Variants in CPLANE1 observed in about 807,000 individuals in gnomAD.
The protein encoded by CPLANE1 is ciliogenesis and planar polarity effector complex subunit 1.
A neutral mutation model predicts 362.5 loss-of-function variants in CPLANE1; 263 were observed. The ratio of observed to expected loss-of-function variants is 0.73; its 90% CI spans 0.66 to 0.80. The LOEUF (loss-of-function observed/expected upper bound fraction) is 0.80. CPLANE1 is among the 30% of genes least tolerant of loss of function. The probability of loss-of-function intolerance (pLI) is 0.00; values close to 1 mark genes in which losing one functional copy is unlikely to be tolerated. For missense variants in CPLANE1, 3,461 were observed against 3,793.4 expected, an observed-to-expected ratio of 0.91 and a Z score of 2.30; for synonymous variants, 1,212 against 1,302.6, an observed-to-expected ratio of 0.93 and a Z score of 1.50.
At chr5:37,211,040 C>T in intron 16 of CPLANE1, 1 of 817,442 alleles carries the variant, frequency 1.2e-6, no homozygotes, top group Non-Finnish European at 2.2e-6. Flanking sequence ...AAGTGTACTG[C>T]AATCCAAAGC....
chr5:37,206,518 C>T, intron 16 of CPLANE1, 93 bp from the exon 17 acceptor site: 2 of 807,914 alleles, frequency 2.5e-6, no homozygotes, highest in Non-Finnish European at 3.9e-6. Context: ...TCAGTATTAT[C>T]TACAAAAAAC....
chr5:37,112,075 A>C (rs745416843), intron 51 of CPLANE1, among the ~76,000 whole-genome samples: 1 of 152,202 alleles, frequency 6.6e-6, no homozygotes, highest in Non-Finnish European at 1.5e-5. Context: ...AAAGGCTACA[A>C]ACATCAACTA....
At chr5:37,213,416 TTCATAG>T in intron 16 of CPLANE1, 137 bp downstream of exon 16, 1 of 503,110 alleles carries the variant, frequency 2.0e-6, no homozygotes, top group Admixed American at 4.4e-5. Flanking sequence ...ATTCTATTCA[TTCATAG>T]TCATAAATCA....
chr5:37,100,919 G>A, the CPLANE1 span, among the ~76,000 whole-genome samples: 41 of 152,088 alleles, frequency 2.7e-4, no homozygotes, highest in Admixed American at 1.4e-3. Context: ...CTTGTCTGTC[G>A]TTGGTGAAAA....
chr5:37,182,795 A>T lies in CPLANE1; in HGVS notation c.5386T>A (p.Phe1796Ile). The change falls in exon 26 of 53, where the codon TTT becomes ATT. Residue 1796 changes from phenylalanine (F) to isoleucine (I), a missense_variant. Around this residue, in one of 2 missense-constraint regions of CPLANE1, gnomAD observed 3,380 missense variants for 3,666.1 expected, o/e 0.92. Coordinates refer to ENST00000651892, the MANE Select transcript of CPLANE1 (RefSeq NM_001384732.1). ...TSLWLLEQPY[F>I]ATYKAKNAII... ...GCATTTTTTGCCTTATATGTAGCAA[A>T]ATAGGGTTGTTCCAAAAGCCATAAT... 1 of 1,613,418 alleles carries T rather than the reference A, an allele frequency of 6.2e-7. No homozygotes were observed.
At chr5:37,193,596 A>T (rs1285399065) in intron 21 of CPLANE1, among the ~76,000 whole-genome samples, 1 of 152,138 alleles carries the variant, frequency 6.6e-6, no homozygotes, top group Non-Finnish European at 1.5e-5. Flanking sequence ...TGGAGGTTAC[A>T]GTGAGCCGAG....
chr5:37,120,584 A>C (rs1186588109), intron 49 of CPLANE1, among the ~76,000 whole-genome samples: 1 of 152,208 alleles, frequency 6.6e-6, no homozygotes, highest in Non-Finnish European at 1.5e-5. Context: ...TGTTACTTTA[A>C]GGAAAAAACA....
At chr5:37,141,834 A>C (rs765828745) in intron 44 of CPLANE1, 42 of 946,246 alleles carry the variant, frequency 4.4e-5, no homozygotes, top group Admixed American at 6.2e-5. Flanking sequence ...AAATCCTTCT[A>C]AATCTCAATC....
chr5:37,168,832 T>C lies in CPLANE1; in HGVS notation c.7192A>G (p.Arg2398Gly). Residue 2398 changes from arginine to glycine, a missense_variant, in exon 34 of 53, where the codon AGA (arginine) becomes GGA (glycine). Physicochemically the swap from Arg to Gly is moderately radical, Grantham distance 125. Transcript: ENST00000651892. The part of the protein sequence containing the change: ...QPIAEERKYP[R>G]LSLLHSHLSP... ...AAATGTGAATGAAGTAATGACAATC[T>C]TGGGTATTTTCTTTCTTCTGCTATA... The C allele has an allele frequency of 6.2e-7, 1 of 1,613,550 alleles. No individual in the cohort carries two copies. Among genetic ancestry groups the C allele is most frequent in the Non-Finnish European group, 8.5e-7 (1 of 1,179,846 alleles).
rs1026646264 is a variant in CPLANE1 at position 37,107,300 on chromosome 5, T to C, written c.*302A>G. On this transcript the variant is annotated 3_prime_UTR_variant, in exon 53 of 53. Transcript: ENST00000651892. ...GAGGAGGCAAGATAGAGGGTTTTTA[T>C]TGAAAGTAGGTTATGCAAACTTGGC... 88 of 1,094,582 alleles carry C rather than the reference T, an allele frequency of 8.0e-5. No individual in the cohort carries two copies. Among genetic ancestry groups the C allele is most frequent in the Non-Finnish European group, 9.1e-5 (82 of 901,818 alleles). 67.8% of individuals were successfully genotyped at this position (1,094,582 alleles called of 1,614,324 possible).
intron 33 of CPLANE1, among the ~76,000 whole-genome samples, chr5:37,169,779 TAC>T (rs746775633): frequency 1.7e-4 from 25 of 151,070 alleles, no homozygotes; most frequent in Non-Finnish European, 3.1e-4. Context: ...CAGGCTGGAG[TAC>T]AGTGACATGA....
intron 21 of CPLANE1, among the ~76,000 whole-genome samples, chr5:37,188,138 A>G (rs1248575053): frequency 6.6e-6 from 1 of 152,218 alleles, no homozygotes; most frequent in Non-Finnish European, 1.5e-5. Context: ...AAGATATATA[A>G]AATCATACTA....
chr5:37,245,524 T>C lies in CPLANE1; in HGVS notation c.292A>G (p.Ile98Val), dbSNP rs1739348640. ...WNKDQDCLKT[I>V]PITEKPKEMI... ...TCCTTAGGCTTTTCAGTTATTGGTA[T>C]AGTTTTCAAACAATCTTGATCTTTG... is the stretch of plus-strand genomic sequence containing the variant. Residue 98 changes from isoleucine to valine, a missense_variant, in exon 4 of 53, where the codon ATA (isoleucine) becomes GTA (valine). Physicochemically the swap from Ile to Val is conservative, Grantham distance 29 (BLOSUM62 3). Coordinates refer to ENST00000651892, the MANE Select transcript of CPLANE1 (RefSeq NM_001384732.1). 3 of 1,504,858 alleles carry C rather than the reference T, an allele frequency of 2.0e-6. No individual in the cohort carries two copies. Among genetic ancestry groups the C allele is most frequent in the Non-Finnish European group, 2.7e-6 (3 of 1,123,306 alleles). The allele number at this position is 1,504,858 out of a possible 1,614,324, so 93.2% of individuals were successfully genotyped here. A position where few individuals can be genotyped will look rare whatever the true frequency, so the allele number is the denominator to read the frequency against.
chr5:37,211,668 G>A lies in CPLANE1; in HGVS notation c.2920+1891C>T, dbSNP rs901914360. The stretch of plus-strand genomic sequence containing the variant: ...CATTGCTTCCCCCAGTCCTTATCCT[G>A]ACAGAATGCCCCCGCCATCACCCGC... On this transcript the variant is annotated intron_variant, in intron 16 of 52. Transcript: ENST00000651892. 6.3e-6 allele frequency: 5 copies of A among 794,598 alleles called. No homozygotes were observed. The African/African-American group carries it at 6.7e-5, about 11-fold the overall frequency. 49.2% of individuals were successfully genotyped at this position (794,598 alleles called of 1,614,324 possible).
chr5:37,143,118 C>G (rs530265564), intron 43 of CPLANE1, among the ~76,000 whole-genome samples: 1 of 152,330 alleles, frequency 6.6e-6, no homozygotes, highest in South Asian at 2.1e-4. Flanking sequence ...CAATAAAGTA[C>G]AGCAACCCCA....
chr5:37,215,733 TCTTTC>T (rs1399547808), intron 15 of CPLANE1, among the ~76,000 whole-genome samples: 3 of 146,168 alleles, frequency 2.1e-5, no homozygotes, highest in Non-Finnish European at 3.0e-5. Flanking sequence ...TTTTTCCTTC[TCTTTC>T]CTTTTTTTTT....
intron 27 of CPLANE1, 41 bp from the exon 28 acceptor site, chr5:37,180,224 A>T: frequency 7.6e-7 from 1 of 1,323,384 alleles, no homozygotes; most frequent in Non-Finnish European, 1.0e-6. Flanking sequence ...CTATTCTTGG[A>T]GATAAAGAGC....
chr5:37,082,421 G>C, the CPLANE1 span, among the ~76,000 whole-genome samples: 1 of 152,042 alleles, frequency 6.6e-6, no homozygotes, highest in Non-Finnish European at 1.5e-5. Context: ...CACACTACCC[G>C]ATCCCAAGAT....
At chr5:37,078,307 C>T in the CPLANE1 span, among the ~76,000 whole-genome samples, 5 of 152,138 alleles carry the variant, frequency 3.3e-5, no homozygotes, top group African/African-American at 4.8e-5. Context: ...TTTGGTTTTC[C>T]GTTCCTGCCT....
Sources: gnomAD v4.1 joint callset for allele counts (sites outside exome capture counted in the v4.1 genomes callset) on GRCh38, gnomAD v4.1.1 for gene constraint, gnomAD v4.1.1 regional missense constraint, MANE v1.5 for transcripts, NCBI Gene and HGNC (gene_info 2026-07-23, HGNC 2026-07-21) for gene names.